The following NCOA2 variants were observed in gnomAD, a reference collection of about 807,000 sequenced individuals.
NCOA2 encodes nuclear receptor coactivator 2.
Under a neutral mutation model 145.1 loss-of-function variants are expected in NCOA2, and 21 were observed. That is an observed-to-expected ratio of 0.14 (90% confidence interval 0.10 to 0.21). NCOA2 has a LOEUF of 0.21. Among genes scored for constraint, NCOA2 ranks in the 10% least tolerant of loss-of-function variants. NCOA2 has a pLI of 1.00. For synonymous variants in NCOA2, 619 were observed against 637.5 expected (o/e 0.97, Z 0.44); for missense variants, 1,472 against 1,837.6 (o/e 0.80, Z 3.64).
chr8:70,262,897 T>C lies in NCOA2; in HGVS notation c.-20+33847A>G, dbSNP rs550712271. Among the ~76,000 whole-genome samples the C allele has an allele frequency of 5.9e-5, 9 of 152,168 alleles. No individual in the cohort carries two copies. The East Asian group carries it at 7.7e-4, about 13-fold the overall frequency. On this transcript the variant is annotated intron_variant, in intron 2 of 22. Transcript: ENST00000452400. ...TACCTATAAAGTTTAACTTATAAAT[T>C]AGACACAGTAAGAGATTAACAACAA...
the NCOA2 span, among the ~76,000 whole-genome samples, chr8:70,454,455 G>A: frequency 6.6e-6 from 1 of 151,986 alleles, no homozygotes; most frequent in Non-Finnish European, 1.5e-5. Context: ...GACCTTTTTC[G>A]GAGGAAACTG....
intron 2 of NCOA2, among the ~76,000 whole-genome samples, chr8:70,258,649 T>C (rs1250206665): frequency 6.6e-6 from 1 of 152,158 alleles, no homozygotes; most frequent in Non-Finnish European, 1.5e-5. Flanking sequence ...CCTCTACAAT[T>C]ATCAAGATTT....
At chr8:70,153,189 CAG>C (rs1368953103) in intron 11 of NCOA2, among the ~76,000 whole-genome samples, 1 of 152,090 alleles carries the variant, frequency 6.6e-6, no homozygotes, top group African/African-American at 2.4e-5. Flanking sequence ...AGGGCGAGAC[CAG>C]AGACTGGATT....
intron 1 of NCOA2, chr8:70,402,642 C>T (rs1814417576): frequency 6.6e-6 from 1 of 152,002 alleles, no homozygotes; most frequent in South Asian, 2.1e-4. Context: ...GGGGCGTGAC[C>T]GTCGCGAGGC....
chr8:70,247,393 C>T (rs181828864), intron 2 of NCOA2, among the ~76,000 whole-genome samples: 99 of 151,896 alleles, frequency 6.5e-4, no homozygotes, highest in African/African-American at 2.3e-3. Flanking sequence ...GTTTTAATTG[C>T]TAAAGAACCT....
At chr8:70,327,772 A>C (rs1226839178) in intron 1 of NCOA2, among the ~76,000 whole-genome samples, 3 of 152,208 alleles carry the variant, frequency 2.0e-5, no homozygotes, top group African/African-American at 7.2e-5. Flanking sequence ...GAGAGTTTTA[A>C]AAAAGCTGAA....
chr8:70,163,600 G>A, intron 7 of NCOA2, 34 bp from the exon 8 acceptor site: 3 of 1,541,802 alleles, frequency 1.9e-6, no homozygotes, highest in Non-Finnish European at 1.8e-6. Flanking sequence ...TATCATATTG[G>A]GCTTTTCTAG....
Position 70,372,149 on chromosome 8 carries a change from T to C in NCOA2, c.-77+31551A>G, listed in dbSNP as rs549706126. Among the ~76,000 whole-genome samples, 145 of 152,230 alleles carry C rather than the reference T, an allele frequency of 9.5e-4. 1 individual carries two copies. Among genetic ancestry groups the C allele is most frequent in the Admixed American group, 5.1e-3 (78 of 15,292 alleles). On this transcript the variant is annotated intron_variant, in intron 1 of 22. Transcript: ENST00000452400. ...GAATAAAACACAAAAAGCCCAGACA[T>C]AAAATACATTTATTTTGAAACCCTA...
chr8:70,375,038 C>T (rs1246057914), intron 1 of NCOA2, among the ~76,000 whole-genome samples: 4 of 151,790 alleles, frequency 2.6e-5, no homozygotes, highest in Admixed American at 2.6e-4. Context: ...GCATATCATC[C>T]TGGTAAATGA....
chr8:70,413,539 G>T, the NCOA2 span, among the ~76,000 whole-genome samples: 1 of 152,122 alleles, frequency 6.6e-6, no homozygotes, highest in Non-Finnish European at 1.5e-5. Context: ...ATGCCTTTGC[G>T]AAACAGACTG....
chr8:70,384,270 AAC>A (rs531600678), intron 1 of NCOA2, among the ~76,000 whole-genome samples: 1 of 151,950 alleles, frequency 6.6e-6, no homozygotes, highest in Non-Finnish European at 1.5e-5. Context: ...AAAAAAAAAA[AAC>A]ACACACACAA....
chr8:70,423,318 G>A, the NCOA2 span, among the ~76,000 whole-genome samples: 20 of 152,242 alleles, frequency 1.3e-4, no homozygotes, highest in African/African-American at 4.6e-4. Flanking sequence ...CAAGTAGCTG[G>A]GGTTACAGGC....
intron 1 of NCOA2, among the ~76,000 whole-genome samples, chr8:70,347,697 G>C (rs1415723147): frequency 6.6e-6 from 1 of 152,014 alleles, no homozygotes; most frequent in Non-Finnish European, 1.5e-5. Context: ...TGTAGAGGTA[G>C]ATATAACCTA....
At chr8:70,296,577 C>T (rs1317020223) in intron 2 of NCOA2, among the ~76,000 whole-genome samples, 167 bp downstream of exon 2, 1 of 152,078 alleles carries the variant, frequency 6.6e-6, no homozygotes, top group Non-Finnish European at 1.5e-5. Flanking sequence ...ATTTCCAATA[C>T]ATTTGTAAGG....
intron 2 of NCOA2, among the ~76,000 whole-genome samples, chr8:70,251,841 C>T (rs938335869): frequency 4.6e-5 from 7 of 152,218 alleles, no homozygotes; most frequent in African/African-American, 1.7e-4. Context: ...TCATCCGTTT[C>T]AAATTCTCAG....
chr8:70,223,380 C>G (rs1820330433), intron 2 of NCOA2, among the ~76,000 whole-genome samples: 1 of 152,148 alleles, frequency 6.6e-6, no homozygotes, highest in South Asian at 2.1e-4. Flanking sequence ...GTGTTTTTAT[C>G]ATTTGAGTTG....
At chr8:70,147,119 C>A (rs554219110) in intron 12 of NCOA2, among the ~76,000 whole-genome samples, 243 of 150,692 alleles carry the variant, frequency 1.6e-3, no homozygotes, top group Admixed American at 2.8e-3. Context: ...TTCGCGCGCG[C>A]GCGCGCGCGT....
the NCOA2 span, among the ~76,000 whole-genome samples, chr8:70,446,866 C>T: frequency 3.9e-5 from 6 of 152,116 alleles, no homozygotes; most frequent in Admixed American, 2.6e-4. Context: ...TGATGTTCAC[C>T]CCAAACTATG....
chr8:70,170,798 TGA>T (rs1814163261), intron 5 of NCOA2, among the ~76,000 whole-genome samples: 1 of 152,186 alleles, frequency 6.6e-6, no homozygotes, highest in South Asian at 2.1e-4. Context: ...TGTTATACAA[TGA>T]GAGAAAGGGG....
Sources: gnomAD v4.1 joint callset for allele counts (sites outside exome capture counted in the v4.1 genomes callset) on GRCh38, gnomAD v4.1.1 for gene constraint, MANE v1.5 for transcripts, NCBI Gene and HGNC (gene_info 2026-07-23, HGNC 2026-07-21) for gene names.